EXOC2: variants seen among roughly 807,000 people sequenced by gnomAD.
The protein encoded by EXOC2 is SEC5-like 1.
Under a neutral mutation model 131.8 loss-of-function variants are expected in EXOC2, and 70 were observed. The ratio of observed to expected loss-of-function variants is 0.53; its 90% CI spans 0.44 to 0.65. EXOC2 has a LOEUF of 0.65. Among genes scored for constraint, EXOC2 ranks in the 30% least tolerant of loss-of-function variants. The probability of loss-of-function intolerance (pLI) is 0.00; values close to 1 mark genes in which losing one functional copy is unlikely to be tolerated. For synonymous variants in EXOC2, 411 were observed against 398.4 expected (o/e 1.03, Z -0.38); for missense variants, 923 against 1,108.6 (o/e 0.83, Z 2.38).
chr6:516,401 C>T (rs987530541), intron 23 of EXOC2, among the ~76,000 whole-genome samples: 3 of 152,190 alleles, frequency 2.0e-5, no homozygotes, highest in East Asian at 1.9e-4. Flanking sequence ...AGAGCTAGCT[C>T]GTCTAGCTCC....
intron 22 of EXOC2, among the ~76,000 whole-genome samples, chr6:540,023 C>T (rs1766712818): frequency 6.6e-6 from 1 of 152,226 alleles, no homozygotes; most frequent in South Asian, 2.1e-4. Context: ...ACAGATGAAA[C>T]AGGATATACT....
chr6:529,944 T>A (rs1367332040), intron 23 of EXOC2, among the ~76,000 whole-genome samples: 9 of 152,258 alleles, frequency 5.9e-5, no homozygotes, highest in Non-Finnish European at 1.3e-4. Flanking sequence ...TGCAAGGTAA[T>A]ACATTGTTCG....
chr6:487,866 G>A (rs1358089393), intron 27 of EXOC2, among the ~76,000 whole-genome samples: 3 of 152,140 alleles, frequency 2.0e-5, no homozygotes, highest in Admixed American at 2.0e-4. Flanking sequence ...CTAAAATATA[G>A]TCCTGACCTG....
At chr6:596,955 A>T (rs1759851202) in intron 10 of EXOC2, among the ~76,000 whole-genome samples, 1 of 152,196 alleles carries the variant, frequency 6.6e-6, no homozygotes, top group South Asian at 2.1e-4. Context: ...ACTACTTTTT[A>T]TGTGCCGGGT....
chr6:497,743 A>C (rs1002388448), intron 24 of EXOC2, among the ~76,000 whole-genome samples: 3 of 152,256 alleles, frequency 2.0e-5, no homozygotes, highest in African/African-American at 7.2e-5. Context: ...ATGTTGACAA[A>C]ATAAAAACTG....
intron 1 of EXOC2, chr6:655,997 C>G: frequency 4.0e-6 from 3 of 747,278 alleles, no homozygotes; most frequent in Non-Finnish European, 2.2e-6. Context: ...ACAAAATATA[C>G]GCCCTGCATA....
chr6:566,014 T>C (rs534571584), intron 13 of EXOC2, among the ~76,000 whole-genome samples: 3 of 152,368 alleles, frequency 2.0e-5, no homozygotes, highest in Admixed American at 1.3e-4. Flanking sequence ...CTTCAAACTG[T>C]AGTTTCCATT....
intron 23 of EXOC2, among the ~76,000 whole-genome samples, chr6:503,351 T>C (rs1764341116): frequency 6.6e-6 from 1 of 152,106 alleles, no homozygotes. Context: ...ATCTCCAGTA[T>C]ATGTAAGACC....
At chr6:544,435 G>T (rs1581404307) in intron 22 of EXOC2, among the ~76,000 whole-genome samples, 1 of 152,260 alleles carries the variant, frequency 6.6e-6, no homozygotes, top group East Asian at 1.9e-4. Context: ...TGTTTTGAAA[G>T]CAGAAACACA....
At chr6:683,306 A>C (rs1764496254) in intron 1 of EXOC2, among the ~76,000 whole-genome samples, 1 of 152,256 alleles carries the variant, frequency 6.6e-6, no homozygotes, top group African/African-American at 2.4e-5. Context: ...TTATTCAAAT[A>C]ACAAAATACT....
At chr6:626,614 C>T (rs1761581626) in intron 4 of EXOC2, among the ~76,000 whole-genome samples, 1 of 151,500 alleles carries the variant, frequency 6.6e-6, no homozygotes, top group African/African-American at 2.4e-5. Flanking sequence ...TTTTTTGAGA[C>T]AGACTCTCAC....
intron 25 of EXOC2, among the ~76,000 whole-genome samples, chr6:494,221 C>T (rs1326714682): frequency 6.6e-6 from 1 of 152,224 alleles, no homozygotes; most frequent in Non-Finnish European, 1.5e-5. Context: ...ACCAAATTAA[C>T]AAGTGCTCTC....
intron 22 of EXOC2, among the ~76,000 whole-genome samples, chr6:534,433 C>CAG (rs34753404): frequency 0.22 from 32,653 of 148,490 alleles, 4,333 homozygotes; most frequent in African/African-American, 0.39. Context: ...GAGAGAGAGA[C>CAG]AGAGAGAGAG....
At chr6:664,135 G>A (rs190728285) in intron 1 of EXOC2, among the ~76,000 whole-genome samples, 9 of 152,226 alleles carry the variant, frequency 5.9e-5, no homozygotes, top group East Asian at 3.9e-4. Context: ...TCTCTATAGC[G>A]AAAGCAACCA....
At chr6:492,873 TTC>T (rs1763518497) in intron 25 of EXOC2, among the ~76,000 whole-genome samples, 1 of 152,240 alleles carries the variant, frequency 6.6e-6, no homozygotes, top group Admixed American at 6.5e-5. Flanking sequence ...GAATTGCATA[TTC>T]TTTTTCTATT....
chr6:599,406 G>A (rs900877097), intron 7 of EXOC2, among the ~76,000 whole-genome samples, 181 bp from the exon 8 acceptor site: 4 of 152,090 alleles, frequency 2.6e-5, no homozygotes, highest in African/African-American at 7.2e-5. Flanking sequence ...TTTTGCCTAA[G>A]TCTTTTCATA....
At chr6:628,399 G>T (rs770710622) in intron 4 of EXOC2, among the ~76,000 whole-genome samples, 57 of 152,164 alleles carry the variant, frequency 3.7e-4, no homozygotes, top group Admixed American at 8.5e-4. Context: ...GCTGTTAGAC[G>T]CAGTTCAGGC....
chr6:643,190 T>C lies in EXOC2; in HGVS notation c.-43-5329A>G, dbSNP rs550138391. 5.6e-4 allele frequency among the ~76,000 whole-genome samples: 85 copies of C among 152,324 alleles called. 1 individual carries two copies. Among genetic ancestry groups the C allele is most frequent in the Non-Finnish European group, 8.5e-4 (58 of 68,028 alleles). ...GAGGTTTTAATATTCCCTTTCAATA[T>C]TAATAACTAGATATTAAAAAACAAA... On this transcript the variant is annotated intron_variant, in intron 1 of 27. Transcript: ENST00000230449.
intron 1 of EXOC2, among the ~76,000 whole-genome samples, chr6:692,561 G>A (rs1232536134): frequency 6.6e-6 from 1 of 152,282 alleles, no homozygotes; most frequent in Non-Finnish European, 1.5e-5. Context: ...ACAGCGGCAG[G>A]CGCCTTTTAA....
Sources: allele counts gnomAD v4.1 joint callset (sites outside exome capture counted in the v4.1 genomes callset), GRCh38; gene constraint gnomAD v4.1.1; transcripts MANE v1.5; gene names NCBI Gene and HGNC (gene_info 2026-07-23, HGNC 2026-07-21).